Variants in PRKCE observed in about 807,000 individuals in gnomAD.
PRKCE encodes the protein protein kinase C epsilon type.
Under a neutral mutation model 85.4 loss-of-function variants are expected in PRKCE, and 16 were observed. The observed-to-expected ratio is 0.19, with a 90% CI of 0.13 to 0.28. PRKCE has a LOEUF of 0.28. Ranked by LOEUF, PRKCE falls within the 10% of genes least tolerant of loss-of-function variation. The pLI, the probability that PRKCE is intolerant of heterozygous loss-of-function variation, is 1.00. For synonymous variants in PRKCE, 388 were observed against 371.5 expected (o/e 1.04, Z -0.51); for missense variants, 573 against 975.2 (o/e 0.59, Z 5.49).
At chr2:45,718,507 G>T (rs1233997471) in intron 1 of PRKCE, among the ~76,000 whole-genome samples, 1 of 151,990 alleles carries the variant, frequency 6.6e-6, no homozygotes, top group African/African-American at 2.4e-5. Flanking sequence ...ACTACACTCA[G>T]CTAATTTTTG....
At chr2:46,098,556 T>C (rs1158971014) in intron 11 of PRKCE, among the ~76,000 whole-genome samples, 1 of 152,230 alleles carries the variant, frequency 6.6e-6, no homozygotes, top group Non-Finnish European at 1.5e-5. Context: ...ACACTTTGTC[T>C]AGTTAGAGGC....
At chr2:45,680,467 C>T (rs1438063788) in intron 1 of PRKCE, among the ~76,000 whole-genome samples, 1 of 152,206 alleles carries the variant, frequency 6.6e-6, no homozygotes, top group Non-Finnish European at 1.5e-5. Context: ...TAGGCGCAAA[C>T]TTGTTTCTTT....
intron 1 of PRKCE, among the ~76,000 whole-genome samples, chr2:45,782,871 G>T (rs1686305612): frequency 6.6e-6 from 1 of 152,094 alleles, no homozygotes; most frequent in Non-Finnish European, 1.5e-5. Context: ...TTGTCAGCCA[G>T]TTTTCTCGTG....
intron 11 of PRKCE, among the ~76,000 whole-genome samples, chr2:46,104,046 C>A (rs1367736914): frequency 1.3e-5 from 2 of 152,144 alleles, no homozygotes; most frequent in African/African-American, 4.8e-5. Context: ...ATTTTCAGTG[C>A]CCATAGGATT....
chr2:46,101,814 T>G (rs1671256044), intron 11 of PRKCE, among the ~76,000 whole-genome samples: 1 of 145,900 alleles, frequency 6.9e-6, no homozygotes, highest in African/African-American at 2.6e-5. Context: ...GAACCATAAG[T>G]TGGGACTCTA....
At chr2:45,918,769 G>A (rs1482641680) in intron 2 of PRKCE, among the ~76,000 whole-genome samples, 4 of 152,176 alleles carry the variant, frequency 2.6e-5, no homozygotes, top group African/African-American at 9.7e-5. Context: ...TGAGGTTGGC[G>A]AGGGGGGGAA....
At chr2:45,701,114 A>C (rs777397874) in intron 1 of PRKCE, among the ~76,000 whole-genome samples, 1 of 152,218 alleles carries the variant, frequency 6.6e-6, no homozygotes, top group Non-Finnish European at 1.5e-5. Context: ...AGAGGAAGGA[A>C]GGACAAAGAA....
intron 1 of PRKCE, among the ~76,000 whole-genome samples, chr2:45,761,454 C>T (rs1234505469): frequency 6.6e-6 from 1 of 152,042 alleles, no homozygotes; most frequent in African/African-American, 2.4e-5. Context: ...AAGCGCTTTA[C>T]CTACAACACT....
intron 8 of PRKCE, among the ~76,000 whole-genome samples, chr2:46,005,147 G>A (rs1453194774): frequency 6.6e-6 from 1 of 152,198 alleles, no homozygotes; most frequent in African/African-American, 2.4e-5. Context: ...TGAAGCTAGA[G>A]GAGAGACTGA....
chr2:45,756,324 G>A (rs1393975234), intron 1 of PRKCE, among the ~76,000 whole-genome samples: 1 of 152,220 alleles, frequency 6.6e-6, no homozygotes, highest in African/African-American at 2.4e-5. Context: ...AGGCTCTAGG[G>A]GTTCTGCTGG....
intron 1 of PRKCE, among the ~76,000 whole-genome samples, chr2:45,836,318 A>G (rs927062267): frequency 6.6e-6 from 1 of 152,230 alleles, no homozygotes; most frequent in Non-Finnish European, 1.5e-5. Flanking sequence ...TTAACAGAAT[A>G]GAATCTTGAA....
chr2:46,137,757 C>CA (rs542034194), intron 11 of PRKCE, among the ~76,000 whole-genome samples: 1,871 of 118,620 alleles, frequency 0.016, 9 homozygotes, highest in Middle Eastern at 0.021. Flanking sequence ...GACCCTGTCT[C>CA]AAAAAAAAAA....
At chr2:46,047,179 A>G (rs1255952048) in intron 10 of PRKCE, among the ~76,000 whole-genome samples, 1 of 152,228 alleles carries the variant, frequency 6.6e-6, no homozygotes, top group Non-Finnish European at 1.5e-5. Flanking sequence ...CACAGGATTA[A>G]GAGCAGGCTG....
chr2:45,752,567 C>A (rs1219694214), intron 1 of PRKCE, among the ~76,000 whole-genome samples: 1 of 152,064 alleles, frequency 6.6e-6, no homozygotes, highest in African/African-American at 2.4e-5. Context: ...AGCCTGTTTC[C>A]TCATCTATAA....
chr2:46,111,991 A>G (rs1198876116), intron 11 of PRKCE, among the ~76,000 whole-genome samples: 3 of 152,120 alleles, frequency 2.0e-5, no homozygotes, highest in Non-Finnish European at 4.4e-5. Context: ...TGTTTTTCTT[A>G]TTATATACCC....
At chr2:46,121,142 C>G (rs900106040) in intron 11 of PRKCE, among the ~76,000 whole-genome samples, 6 of 152,236 alleles carry the variant, frequency 3.9e-5, no homozygotes, top group African/African-American at 1.4e-4. Flanking sequence ...TAAAATGTCA[C>G]TTTACCATCA....
intron 2 of PRKCE, among the ~76,000 whole-genome samples, chr2:45,920,042 G>A (rs1382472561): frequency 6.6e-6 from 1 of 152,168 alleles, no homozygotes; most frequent in Non-Finnish European, 1.5e-5. Flanking sequence ...GGCCATGTCT[G>A]TACATGTATT....
intron 1 of PRKCE, among the ~76,000 whole-genome samples, chr2:45,710,386 C>T (rs945693745): frequency 7.9e-5 from 12 of 152,228 alleles, no homozygotes; most frequent in African/African-American, 2.9e-4. Context: ...CTTGTAAGTA[C>T]TCCTTGAAAG....
At position 46,172,519 on chromosome 2, in the gene PRKCE, G is replaced by C. The variant is rs571690270; in HGVS notation, c.2068-12216G>C. On this transcript the variant is annotated intron_variant, in intron 14 of 14. Transcript: ENST00000306156. ...GGCGTGCCTGGGCGGCCCTGGGAGGGTTTGAGGAGCAGGAATAAGCGCCAT... is the reference window on the plus strand; with the variant it reads ...GGCGTGCCTGGGCGGCCCTGGGAGGCTTTGAGGAGCAGGAATAAGCGCCAT... 6.3e-4 allele frequency among the ~76,000 whole-genome samples: 96 copies of C among 152,340 alleles called. 1 individual carries two copies. Among genetic ancestry groups the C allele is most frequent in the African/African-American group, 2.2e-3 (93 of 41,568 alleles).
Sources: allele counts gnomAD v4.1 joint callset (sites outside exome capture counted in the v4.1 genomes callset), GRCh38; gene constraint gnomAD v4.1.1; transcripts MANE v1.5; gene names NCBI Gene and HGNC (gene_info 2026-07-23, HGNC 2026-07-21).